Variants in MAPK10 observed in about 807,000 individuals in gnomAD.
MAPK10 encodes JNK3 alpha protein kinase.
Under a neutral mutation model 59.3 loss-of-function variants are expected in MAPK10, and 25 were observed. That is an observed-to-expected ratio of 0.42 (90% CI 0.31 to 0.59). The LOEUF is 0.59. Ranked by LOEUF, MAPK10 falls within the 20% of genes least tolerant of loss-of-function variation. The pLI, the probability that MAPK10 is intolerant of heterozygous loss-of-function variation, is 0.15. For synonymous variants in MAPK10, 190 were observed against 200.5 expected, an observed-to-expected ratio of 0.95 and a Z score of 0.44; for missense variants, 351 against 568.9, an observed-to-expected ratio of 0.62 and a Z score of 3.90.
chr4:86,549,415 G>T (rs1423222260), intron 1 of MAPK10, among the ~76,000 whole-genome samples: 1 of 152,162 alleles, frequency 6.6e-6, no homozygotes, highest in Non-Finnish European at 1.5e-5. Flanking sequence ...ACTGAATATG[G>T]TAGGGAATTG....
At chr4:86,382,899 T>C (rs193256756) in intron 1 of MAPK10, among the ~76,000 whole-genome samples, 292 of 152,310 alleles carry the variant, frequency 1.9e-3, no homozygotes, top group Non-Finnish European at 3.1e-3. Context: ...TCACTGCTTC[T>C]TCTACTCTTG....
chr4:86,120,792 G>C (rs1189305234), intron 4 of MAPK10, among the ~76,000 whole-genome samples: 1 of 152,122 alleles, frequency 6.6e-6, no homozygotes, highest in African/African-American at 2.4e-5. Flanking sequence ...CTGAAAACTT[G>C]GGAAATTAGA....
chr4:86,258,726 T>C (rs1480492733), intron 2 of MAPK10, among the ~76,000 whole-genome samples: 1 of 152,126 alleles, frequency 6.6e-6, no homozygotes, highest in Non-Finnish European at 1.5e-5. Context: ...TTCTGAAAAA[T>C]ATAGACTACT....
At chr4:86,258,993 A>T (rs2093875684) in intron 2 of MAPK10, among the ~76,000 whole-genome samples, 1 of 152,086 alleles carries the variant, frequency 6.6e-6, no homozygotes, top group Non-Finnish European at 1.5e-5. Flanking sequence ...GTTTTCACTG[A>T]TTTTTATCAT....
chr4:86,374,232 G>A (rs565099617), intron 1 of MAPK10, among the ~76,000 whole-genome samples: 49 of 152,122 alleles, frequency 3.2e-4, no homozygotes, highest in Non-Finnish European at 3.5e-4. Flanking sequence ...ACAGGGAGGA[G>A]AATATCACAC....
At chr4:86,258,629 C>A (rs2093856431) in intron 2 of MAPK10, among the ~76,000 whole-genome samples, 1 of 152,164 alleles carries the variant, frequency 6.6e-6, no homozygotes, top group Admixed American at 6.5e-5. Context: ...CCCACTCCAG[C>A]CACCAAATCT....
chr4:86,391,158 A>G (rs1742129398), intron 1 of MAPK10, among the ~76,000 whole-genome samples: 1 of 152,226 alleles, frequency 6.6e-6, no homozygotes, highest in African/African-American at 2.4e-5. Context: ...ATTCAATCCT[A>G]GTTGTATATT....
intron 2 of MAPK10, among the ~76,000 whole-genome samples, chr4:86,295,450 AT>A (rs931554202): frequency 1.3e-5 from 2 of 151,816 alleles, no homozygotes; most frequent in African/African-American, 4.8e-5. Context: ...TATGGATGTA[AT>A]TTTTTTGTCA....
rs149569541 is a variant in MAPK10, at chr4:86,145,804, C to T, written c.236+13494G>A. Among the ~76,000 whole-genome samples, 707 of 152,190 alleles carry T rather than the reference C, an allele frequency of 4.6e-3. 2 individuals are homozygous for T. Among genetic ancestry groups the T allele is most frequent in the African/African-American group, 0.016 (665 of 41,528 alleles). ...CTCTCTCTTTCTGTTTTTCTTTCCA[C>T]ATGCCTTACCTGTAACATCCAGCAT... On this transcript the variant is annotated intron_variant, in intron 4 of 13. Transcript: ENST00000641462.
At chr4:86,317,862 G>A (rs1440996315) in intron 2 of MAPK10, among the ~76,000 whole-genome samples, 1 of 152,218 alleles carries the variant, frequency 6.6e-6, no homozygotes, top group African/African-American at 2.4e-5. Context: ...CTGTAAGTCA[G>A]AAATCAGGCT....
chr4:86,060,461 GTTAA>G (rs1323194567), intron 11 of MAPK10, among the ~76,000 whole-genome samples: 3 of 152,128 alleles, frequency 2.0e-5, no homozygotes, highest in South Asian at 4.1e-4. Context: ...CTGAGAAATA[GTTAA>G]TCAACTCTTC....
At chr4:86,033,916 G>A (rs1412266369) in intron 11 of MAPK10, among the ~76,000 whole-genome samples, 2 of 152,224 alleles carry the variant, frequency 1.3e-5, no homozygotes, top group Non-Finnish European at 2.9e-5. Context: ...GTGCTGGGCA[G>A]CAATCATCAG....
chr4:86,278,732 C>T (rs2094682279), intron 2 of MAPK10, among the ~76,000 whole-genome samples: 1 of 152,098 alleles, frequency 6.6e-6, no homozygotes, highest in African/African-American at 2.4e-5. Flanking sequence ...TATGTACTCC[C>T]TGATAGAATA....
intron 2 of MAPK10, among the ~76,000 whole-genome samples, chr4:86,231,619 C>T (rs1014383065): frequency 4.0e-5 from 6 of 151,634 alleles, no homozygotes; most frequent in African/African-American, 7.3e-5. Context: ...GCTGAGATTG[C>T]GCCACTGCAC....
At chr4:86,213,409 C>T (rs535642973) in intron 2 of MAPK10, among the ~76,000 whole-genome samples, 7 of 151,980 alleles carry the variant, frequency 4.6e-5, no homozygotes, top group South Asian at 2.1e-4. Context: ...TTGTTGAAAT[C>T]GAAAGTTTGT....
intron 2 of MAPK10, among the ~76,000 whole-genome samples, chr4:86,290,041 T>C (rs1352734078): frequency 1.3e-5 from 2 of 151,428 alleles, no homozygotes; most frequent in East Asian, 2.0e-4. Context: ...AAGTGAGCAA[T>C]TGGATATACA....
At chr4:86,147,289 T>C (rs2065239477) in intron 4 of MAPK10, among the ~76,000 whole-genome samples, 1 of 152,160 alleles carries the variant, frequency 6.6e-6, no homozygotes, top group Non-Finnish European at 1.5e-5. Flanking sequence ...GGTTTTGCCA[T>C]GTTGCTCAGG....
In MAPK10 at chr4:86,325,927, C is replaced by A. The variant is rs189519873; in HGVS notation, c.-7+28603G>T. On this transcript the variant is annotated intron_variant, in intron 2 of 13. Coordinates refer to ENST00000641462, the MANE Select transcript of MAPK10 (RefSeq NM_138982.4). ...TGTGTTCATGCAGCATGTCAGAGGACCAGCAAGAAGAAAACAGCCTTACCC... is the reference window on the plus strand; with the variant it reads ...TGTGTTCATGCAGCATGTCAGAGGAACAGCAAGAAGAAAACAGCCTTACCC... 31 of 152,260 alleles carry A rather than the reference C, an allele frequency of 2.0e-4. 1 individual carries two copies. The highest frequency in any genetic ancestry group is 2.0e-3 in the Admixed American group (31 of 15,284). The allele number at this position is 152,260 out of a possible 1,614,324, so 9.4% of individuals were successfully genotyped here.
At chr4:86,028,045 A>C (rs1751227643) in intron 13 of MAPK10, 1 of 152,242 alleles carries the variant, frequency 6.6e-6, no homozygotes, top group Admixed American at 6.5e-5. Context: ...GTACATGACA[A>C]TATGTTCTGG....
Sources: gnomAD v4.1 joint callset for allele counts (sites outside exome capture counted in the v4.1 genomes callset) on GRCh38, gnomAD v4.1.1 for gene constraint, MANE v1.5 for transcripts, NCBI Gene and HGNC (gene_info 2026-07-23, HGNC 2026-07-21) for gene names.